Variants in ATP2B2 observed in about 807,000 individuals in gnomAD.
ATP2B2 encodes the protein ATPase plasma membrane Ca2+ transporting 2, also known as plasma membrane calcium-transporting ATPase 2.
Under a neutral mutation model 120.0 loss-of-function variants are expected in ATP2B2, and 15 were observed. The ratio of observed to expected loss-of-function variants is 0.12; its 90% CI spans 0.08 to 0.19. The LOEUF is 0.19. Among genes scored for constraint, ATP2B2 ranks in the 10% least tolerant of loss-of-function variants. ATP2B2 has a pLI of 1.00. For synonymous variants in ATP2B2, 694 were observed against 700.3 expected (o/e 0.99, Z 0.14); for missense variants, 1,045 against 1,719.8 (o/e 0.61, Z 6.94).
intron 2 of ATP2B2, among the ~76,000 whole-genome samples, chr3:10,434,911 T>C (rs996476164): frequency 2.2e-4 from 34 of 152,216 alleles, no homozygotes; most frequent in African/African-American, 7.5e-4. Flanking sequence ...CTGGCCCCTC[T>C]TCCTCATATT....
chr3:10,498,480 A>G (rs1211069271), intron 1 of ATP2B2, among the ~76,000 whole-genome samples: 4 of 152,186 alleles, frequency 2.6e-5, no homozygotes, highest in East Asian at 3.9e-4. Flanking sequence ...AGGCACCCCA[A>G]ATGGCTGCCA....
At chr3:10,598,856 C>T (rs370269677) in intron 2 of ATP2B2, among the ~76,000 whole-genome samples, 16 of 152,376 alleles carry the variant, frequency 1.1e-4, no homozygotes, top group Admixed American at 2.0e-4. Context: ...ATGCAGTCCC[C>T]GGCCTGGAGC....
At chr3:10,395,339 G>T (rs1447153671) in intron 5 of ATP2B2, among the ~76,000 whole-genome samples, 1 of 152,238 alleles carries the variant, frequency 6.6e-6, no homozygotes, top group African/African-American at 2.4e-5. Context: ...AACGCTGCAG[G>T]CACAATTGGC....
At chr3:10,621,617 G>A (rs747927209) in intron 1 of ATP2B2, among the ~76,000 whole-genome samples, 15 of 152,322 alleles carry the variant, frequency 9.8e-5, no homozygotes, top group Middle Eastern at 3.4e-3. Flanking sequence ...ATGAGGCTGC[G>A]GCCATGTCAG....
intron 3 of ATP2B2, among the ~76,000 whole-genome samples, chr3:10,525,310 G>C (rs927336495): frequency 6.6e-6 from 1 of 152,196 alleles, no homozygotes; most frequent in Admixed American, 6.5e-5. Context: ...CTGAGTAAGA[G>C]GCTTTGCTCT....
Position 10,343,004 on chromosome 3 carries a change from A to T in ATP2B2, c.2704-39T>A. 6.2e-7 allele frequency: 1 copy of T among 1,600,038 alleles called. No homozygotes were observed. The highest frequency in any genetic ancestry group is 8.6e-7 in the Non-Finnish European group (1 of 1,168,704). ...GGAGAGGGCTGTCACCTGTGCGCCCACCTGCTGCTGTGAAGTGCTGGGCGG... is the reference window on the plus strand; with the variant it reads ...GGAGAGGGCTGTCACCTGTGCGCCCTCCTGCTGCTGTGAAGTGCTGGGCGG... On this transcript the variant is annotated intron_variant, in intron 18 of 22. Transcript: ENST00000360273. This position sits in a 1 kb window ranked among gnomAD's most constrained non-coding sequence, Gnocchi z 4.2.
At chr3:10,578,181 A>G (rs1229238287) in intron 2 of ATP2B2, among the ~76,000 whole-genome samples, 2 of 152,200 alleles carry the variant, frequency 1.3e-5, no homozygotes, top group Non-Finnish European at 2.9e-5. Context: ...TGCTGGAAAC[A>G]TGGAGCAACA....
chr3:10,698,174 A>G (rs1175075603), intron 1 of ATP2B2, among the ~76,000 whole-genome samples: 4 of 152,210 alleles, frequency 2.6e-5, no homozygotes, highest in African/African-American at 9.6e-5. Context: ...ACGTGACCCA[A>G]TTCCAGCCAA....
chr3:10,666,215 C>G (rs539042025), intron 1 of ATP2B2, among the ~76,000 whole-genome samples: 1 of 152,142 alleles, frequency 6.6e-6, no homozygotes, highest in Admixed American at 6.5e-5. Flanking sequence ...CCTGGCCCTA[C>G]AGCTCCCTGC....
intron 1 of ATP2B2, among the ~76,000 whole-genome samples, chr3:10,675,083 C>A (rs2071208077): frequency 6.6e-6 from 1 of 152,182 alleles, no homozygotes; most frequent in South Asian, 2.1e-4. Flanking sequence ...TCCTATTAAA[C>A]ATTTTAGGCA....
intron 1 of ATP2B2, among the ~76,000 whole-genome samples, chr3:10,705,730 C>T (rs1392592870): frequency 6.6e-6 from 1 of 152,234 alleles, no homozygotes; most frequent in Non-Finnish European, 1.5e-5. Context: ...GCGCTTCGTA[C>T]ACAGCCTGGC....
chr3:10,433,990 A>G (rs2063401132), intron 2 of ATP2B2, among the ~76,000 whole-genome samples: 2 of 152,170 alleles, frequency 1.3e-5, no homozygotes, highest in Admixed American at 6.5e-5. Flanking sequence ...GACAGCATCT[A>G]GCACCAAGTA....
chr3:10,632,742 C>T (rs1478351268), intron 1 of ATP2B2, among the ~76,000 whole-genome samples: 1 of 152,214 alleles, frequency 6.6e-6, no homozygotes, highest in Non-Finnish European at 1.5e-5. Flanking sequence ...CTGCAGGTGG[C>T]TCTGGGGACA....
At chr3:10,332,863 A>C (rs2060017652) in intron 22 of ATP2B2, among the ~76,000 whole-genome samples, 1 of 152,108 alleles carries the variant, frequency 6.6e-6, no homozygotes, top group African/African-American at 2.4e-5. Flanking sequence ...AAGTAAAGGG[A>C]GTGGGGAACT....
At chr3:10,394,386 C>A in intron 5 of ATP2B2, 3 of 466,706 alleles carry the variant, frequency 6.4e-6, no homozygotes, top group Non-Finnish European at 8.9e-6. Flanking sequence ...TAGGTTTTGG[C>A]GCAAGTTCAA....
At chr3:10,476,798 A>G (rs2065221207) in intron 1 of ATP2B2, among the ~76,000 whole-genome samples, 1 of 152,238 alleles carries the variant, frequency 6.6e-6, no homozygotes, top group Admixed American at 6.5e-5. Context: ...GAAGGGGGTG[A>G]AGGTATGACA....
chr3:10,546,598 C>CAGG (rs989491602), intron 2 of ATP2B2, among the ~76,000 whole-genome samples: 9 of 152,316 alleles, frequency 5.9e-5, no homozygotes, highest in Admixed American at 5.9e-4. Context: ...CTTGGGCCTG[C>CAGG]AGGAACTCCT....
intron 1 of ATP2B2, among the ~76,000 whole-genome samples, chr3:10,625,717 G>A (rs2069678841): frequency 6.6e-6 from 1 of 152,106 alleles, no homozygotes; most frequent in Non-Finnish European, 1.5e-5. Flanking sequence ...CCACACTCAG[G>A]GACCCTTCAG....
At chr3:10,524,302 C>T (rs940175371) in intron 3 of ATP2B2, among the ~76,000 whole-genome samples, 10 of 152,186 alleles carry the variant, frequency 6.6e-5, no homozygotes, top group Admixed American at 3.9e-4. Flanking sequence ...TTGTAGTAAA[C>T]GTATCAGGTA....
Sources: allele counts gnomAD v4.1 joint callset (sites outside exome capture counted in the v4.1 genomes callset), GRCh38; gene constraint gnomAD v4.1.1; non-coding constraint Gnocchi (gnomAD v3.1); transcripts MANE v1.5; gene names NCBI Gene and HGNC (gene_info 2026-07-23, HGNC 2026-07-21).